ARHGAP8: variants seen among roughly 807,000 people sequenced by gnomAD.
ARHGAP8 encodes the protein rho GTPase-activating protein 8.
In ARHGAP8, 62 loss-of-function variants were observed where a neutral mutation model predicts 46.1. The observed-to-expected ratio is 1.34, with a 90% confidence interval of 1.10 to 1.66. The LOEUF (loss-of-function observed/expected upper bound fraction) is 1.66. Ranked by LOEUF, ARHGAP8 falls within the 40% of genes most tolerant of loss-of-function variation. ARHGAP8 has a pLI of 0.00. For synonymous variants in ARHGAP8, 375 were observed against 243.1 expected, an observed-to-expected ratio of 1.54 and a Z score of -5.05; for missense variants, 923 against 568.4, an observed-to-expected ratio of 1.62 and a Z score of -6.34.
chr22:44,794,805 A>T (rs1055558599), intron 2 of ARHGAP8, among the ~76,000 whole-genome samples: 1 of 152,102 alleles, frequency 6.6e-6, no homozygotes, highest in Non-Finnish European at 1.5e-5. Flanking sequence ...CTTCTCTGTC[A>T]TGGCACTTGC....
At chr22:44,764,368 T>C (rs925347635) in intron 1 of ARHGAP8, among the ~76,000 whole-genome samples, 9 of 152,312 alleles carry the variant, frequency 5.9e-5, no homozygotes, top group African/African-American at 9.6e-5. Flanking sequence ...AGGGGTCCCA[T>C]GGCAAAGACA....
At chr22:44,756,059 G>A (rs184556027) in intron 1 of ARHGAP8, among the ~76,000 whole-genome samples, 79 of 152,248 alleles carry the variant, frequency 5.2e-4, no homozygotes, top group African/African-American at 1.9e-3. Context: ...AGAAGAATGC[G>A]CTTTGTTTAG....
intron 1 of ARHGAP8, among the ~76,000 whole-genome samples, chr22:44,754,260 G>A (rs1403851206): frequency 6.6e-6 from 1 of 152,134 alleles, no homozygotes; most frequent in African/African-American, 2.4e-5. Context: ...CGCTTGTGAG[G>A]TACGGGTGGA....
intron 10 of ARHGAP8, among the ~76,000 whole-genome samples, chr22:44,854,723 C>G (rs762111728): frequency 2.0e-5 from 3 of 152,206 alleles, no homozygotes; most frequent in African/African-American, 7.2e-5. Flanking sequence ...ACTGCAACCT[C>G]TGGCTCCTGG....
Position 44,786,168 on chromosome 22 carries a change from C to T in ARHGAP8, c.-71-289C>T, listed in dbSNP as rs542612561. ...GTGGGTGCTCGGCTGATGTCGAGTGCATAATGGGTGCTCGGCTGAGGTAGG... is the reference window on the plus strand; with the variant it reads ...GTGGGTGCTCGGCTGATGTCGAGTGTATAATGGGTGCTCGGCTGAGGTAGG... On this transcript the variant is annotated intron_variant, in intron 1 of 11. Coordinates refer to ENST00000356099, the MANE Select transcript of ARHGAP8 (RefSeq NM_181335.3). 5 of 533,206 alleles carry T rather than the reference C, an allele frequency of 9.4e-6. No individual in the cohort carries two copies. The South Asian group carries it at 1.1e-4, about 12-fold the overall frequency. 33.0% of individuals were successfully genotyped at this position (533,206 alleles called of 1,614,324 possible).
chr22:44,797,419 T>C (rs1928171651), intron 2 of ARHGAP8, among the ~76,000 whole-genome samples: 1 of 152,002 alleles, frequency 6.6e-6, no homozygotes, highest in Non-Finnish European at 1.5e-5. Flanking sequence ...TGGTAGACAC[T>C]TTGTCTGGAA....
chr22:44,793,372 G>A (rs534301987), intron 2 of ARHGAP8, among the ~76,000 whole-genome samples: 2 of 152,248 alleles, frequency 1.3e-5, no homozygotes, highest in Non-Finnish European at 2.9e-5. Flanking sequence ...AGAAGTCCAC[G>A]CCGGACCTGG....
At chr22:44,861,033 T>G (rs953069830) in intron 11 of ARHGAP8, among the ~76,000 whole-genome samples, 6 of 152,214 alleles carry the variant, frequency 3.9e-5, no homozygotes, top group Non-Finnish European at 7.3e-5. Context: ...TGAGACAGTC[T>G]TGCTCTGTTG....
chr22:44,759,470 A>T, intron 1 of ARHGAP8, among the ~76,000 whole-genome samples: 1 of 152,190 alleles, frequency 6.6e-6, no homozygotes, highest in Non-Finnish European at 1.5e-5. Context: ...AGGGGGGTGC[A>T]TTAGCCCATG....
chr22:44,842,748 G>A (rs554269362), intron 7 of ARHGAP8, among the ~76,000 whole-genome samples: 1 of 152,194 alleles, frequency 6.6e-6, no homozygotes, highest in East Asian at 1.9e-4. Context: ...CCAGGGCTGA[G>A]CATCAGGAGG....
Position 44,814,962 on chromosome 22 carries a change from G to A in ARHGAP8, c.386+204G>A, listed in dbSNP as rs150048906. 3.6e-3 allele frequency among the ~76,000 whole-genome samples: 542 copies of A among 152,236 alleles called. 5 individuals are homozygous for A. Among genetic ancestry groups the A allele is most frequent in the African/African-American group, 0.012 (516 of 41,520 alleles). On this transcript the variant is annotated intron_variant, in intron 5 of 11. Coordinates refer to ENST00000356099, the MANE Select transcript of ARHGAP8 (RefSeq NM_181335.3). ...GACAGGAGTGCAGTGCCGGCCTTTGGCACCTGTGGGGTTTGCACCTGGTGT... is the reference window on the plus strand; with the variant it reads ...GACAGGAGTGCAGTGCCGGCCTTTGACACCTGTGGGGTTTGCACCTGGTGT...
chr22:44,791,040 T>G (rs965042326), intron 2 of ARHGAP8, among the ~76,000 whole-genome samples: 2 of 151,972 alleles, frequency 1.3e-5, no homozygotes, highest in African/African-American at 2.4e-5. Flanking sequence ...GAACTTGGCC[T>G]TCTTCTTCAA....
chr22:44,772,736 G>A (rs1008087168), intron 1 of ARHGAP8, among the ~76,000 whole-genome samples: 11 of 151,260 alleles, frequency 7.3e-5, no homozygotes, highest in African/African-American at 2.7e-4. Flanking sequence ...GGCAGAGTTA[G>A]TGGAGAATTG....
chr22:44,833,094 T>TTCTTTTCTTC (rs1931060377), intron 7 of ARHGAP8, among the ~76,000 whole-genome samples: 1 of 130,498 alleles, frequency 7.7e-6, no homozygotes, highest in Non-Finnish European at 1.6e-5. Flanking sequence ...TTCTTTTCTT[T>TTCTTTTCTTC]TCTTTTTTTT....
chr22:44,850,922 C>T (rs911993489), intron 10 of ARHGAP8: 3 of 146,834 alleles, frequency 2.0e-5, no homozygotes, highest in African/African-American at 7.7e-5. Context: ...CAGGATCGTG[C>T]CATTGCACTG....
intron 1 of ARHGAP8, among the ~76,000 whole-genome samples, chr22:44,784,598 C>T (rs1216441727): frequency 6.6e-6 from 1 of 152,156 alleles, no homozygotes; most frequent in Non-Finnish European, 1.5e-5. Context: ...GGTCCTGGAA[C>T]CAATCCCTCC....
chr22:44,798,078 G>A (rs1928226709), intron 2 of ARHGAP8, among the ~76,000 whole-genome samples: 1 of 151,128 alleles, frequency 6.6e-6, no homozygotes, highest in Non-Finnish European at 1.5e-5. Context: ...CCGAGTTCAA[G>A]AGATTCTCCT....
In ARHGAP8 at chr22:44,782,434, CTAGT is replaced by C. The variant is rs1419538854; in HGVS notation, c.-71-4017_-71-4014del. Among the ~76,000 whole-genome samples, 6 of 152,318 alleles carry C rather than the reference CTAGT, an allele frequency of 3.9e-5. No homozygotes were observed. In the East Asian group the frequency reaches 1.2e-3, roughly 29 times the overall value. On this transcript the variant is annotated intron_variant, in intron 1 of 11. Coordinates refer to ENST00000356099, the MANE Select transcript of ARHGAP8 (RefSeq NM_181335.3). The stretch of plus-strand genomic sequence containing the variant: ...TCACAGTGCTGTGTACCCACCGCTG[CTAGT>C]TAGTTCCAGAACGTTTTCATCACCC...
chr22:44,786,339 G>A (rs972353111), intron 1 of ARHGAP8, 118 bp from the exon 2 acceptor site: 35 of 1,342,548 alleles, frequency 2.6e-5, no homozygotes, highest in Non-Finnish European at 3.3e-5. Context: ...CTGAGGTAGG[G>A]CGCGTAGTGG....
Sources: gnomAD v4.1 joint callset for allele counts (sites outside exome capture counted in the v4.1 genomes callset) on GRCh38, gnomAD v4.1.1 for gene constraint, MANE v1.5 for transcripts, NCBI Gene and HGNC (gene_info 2026-07-23, HGNC 2026-07-21) for gene names.